The following GCNT2 variants were observed in gnomAD, a reference collection of about 807,000 sequenced individuals.
GCNT2 encodes the protein N-acetyllactosaminide beta-1,6-N-acetylglucosaminyl-transferase.
In GCNT2, 34 loss-of-function variants were observed where a neutral mutation model predicts 34.2. That is an observed-to-expected ratio of 1.00 (90% CI 0.76 to 1.32). GCNT2 has a LOEUF of 1.32. GCNT2 is among the 40% of genes most tolerant of loss of function. The probability of loss-of-function intolerance (pLI) is 0.00; values close to 1 mark genes in which losing one functional copy is unlikely to be tolerated. For missense variants in GCNT2, 584 were observed against 489.4 expected (o/e 1.19, Z -1.82); for synonymous variants, 212 against 188.0 (o/e 1.13, Z -1.04).
In GCNT2 at chr6:10,565,727, C is replaced by T. The variant is rs1457445119; in HGVS notation, c.925+35891C>T. Among the ~76,000 whole-genome samples, 5 of 152,248 alleles carry T rather than the reference C, an allele frequency of 3.3e-5. No individual in the cohort carries two copies. The East Asian group carries it at 7.7e-4, about 23-fold the overall frequency. On this transcript the variant is annotated intron_variant, in intron 3 of 4. Transcript: ENST00000495262. ...TTCTTCCTGGTAAATTCTTTTCCCC[C>T]CACACCACCGGCCAAGATAGTATCG...
intron 3 of GCNT2, among the ~76,000 whole-genome samples, chr6:10,539,753 T>A (rs1007296733): frequency 2.0e-5 from 3 of 152,184 alleles, no homozygotes; most frequent in African/African-American, 2.4e-5. Flanking sequence ...CTTCTAACAT[T>A]TGGTTTTGAA....
rs373586578 is a variant in GCNT2 at position 10,539,531 on chromosome 6, G to A, written c.925+9695G>A. Among the ~76,000 whole-genome samples the A allele has an allele frequency of 9.2e-5, 14 of 152,176 alleles. No individual in the cohort carries two copies. The East Asian group carries it at 1.7e-3, about 19-fold the overall frequency. On this transcript the variant is annotated intron_variant, in intron 3 of 4. Coordinates refer to ENST00000495262, the MANE Select transcript of GCNT2 (RefSeq NM_145649.5). ...TTGGGCAAATGCCTCATTTCACTGAGCCTGATTCTTCATCTATATCCTGGG... is the reference window on the plus strand; with the variant it reads ...TTGGGCAAATGCCTCATTTCACTGAACCTGATTCTTCATCTATATCCTGGG...
At chr6:10,545,625 G>C (rs1409515413) in intron 3 of GCNT2, among the ~76,000 whole-genome samples, 1 of 152,134 alleles carries the variant, frequency 6.6e-6, no homozygotes, top group East Asian at 1.9e-4. Context: ...TTTCATGAAG[G>C]GTAAATCAGT....
intron 3 of GCNT2, among the ~76,000 whole-genome samples, chr6:10,539,190 T>G (rs1238442790): frequency 7.8e-6 from 1 of 128,782 alleles, no homozygotes; most frequent in Admixed American, 7.7e-5. Context: ...CTTTTTTTTT[T>G]TTTTTTTTTT....
intron 4 of GCNT2, among the ~76,000 whole-genome samples, chr6:10,625,163 C>T (rs1052625411): frequency 2.0e-5 from 3 of 152,186 alleles, no homozygotes; most frequent in African/African-American, 7.2e-5. Context: ...GTGTCTTCAA[C>T]ATCCTCCCTT....
At chr6:10,526,147 T>A (rs1202633586) in intron 1 of GCNT2, among the ~76,000 whole-genome samples, 1 of 152,218 alleles carries the variant, frequency 6.6e-6, no homozygotes, top group Non-Finnish European at 1.5e-5. Context: ...CGTTCTGTAT[T>A]GAAGAAGTGA....
intron 3 of GCNT2, chr6:10,587,020 A>C: frequency 1.2e-6 from 1 of 850,284 alleles, no homozygotes; most frequent in Non-Finnish European, 1.9e-6. Context: ...TTAAATACTT[A>C]GAAAACTATT....
intron 3 of GCNT2, among the ~76,000 whole-genome samples, chr6:10,549,562 TC>T (rs56139113): frequency 5.5e-4 from 58 of 105,746 alleles, no homozygotes; most frequent in African/African-American, 2.0e-3. Context: ...AATCTCTCTC[TC>T]TTTTTTTTTT....
chr6:10,620,331 G>T (rs1223892714), intron 3 of GCNT2, among the ~76,000 whole-genome samples: 1 of 152,130 alleles, frequency 6.6e-6, no homozygotes, highest in African/African-American at 2.4e-5. Flanking sequence ...GGTGGAAAAT[G>T]CTGTAACTCT....
chr6:10,605,999 C>T (rs1051731583), intron 3 of GCNT2, among the ~76,000 whole-genome samples: 1 of 152,128 alleles, frequency 6.6e-6, no homozygotes, highest in Non-Finnish European at 1.5e-5. Flanking sequence ...AAGGAGAGGA[C>T]AAGCCCTGGT....
intron 3 of GCNT2, among the ~76,000 whole-genome samples, chr6:10,565,370 A>G (rs964272657): frequency 1.3e-5 from 2 of 152,206 alleles, no homozygotes; most frequent in Non-Finnish European, 2.9e-5. Flanking sequence ...AAAGGAGTCA[A>G]GCTGGTGGGA....
chr6:10,574,949 C>G, intron 3 of GCNT2: 1 of 720,924 alleles, frequency 1.4e-6, no homozygotes, highest in Non-Finnish European at 2.5e-6. Context: ...TTAATGTGCT[C>G]AATACACACA....
intron 3 of GCNT2, among the ~76,000 whole-genome samples, chr6:10,578,625 T>C (rs1210918900): frequency 6.6e-6 from 1 of 151,760 alleles, no homozygotes; most frequent in Non-Finnish European, 1.5e-5. Flanking sequence ...TTTTTGTATT[T>C]TTAGTAGAGA....
At chr6:10,596,528 A>AG (rs944254301) in intron 3 of GCNT2, among the ~76,000 whole-genome samples, 4 of 152,044 alleles carry the variant, frequency 2.6e-5, no homozygotes, top group Non-Finnish European at 5.9e-5. Flanking sequence ...CTCAAAAAAA[A>AG]AAAAGATTTC....
At chr6:10,574,350 T>C (rs1450840361) in intron 3 of GCNT2, among the ~76,000 whole-genome samples, 2 of 152,204 alleles carry the variant, frequency 1.3e-5, no homozygotes, top group African/African-American at 4.8e-5. Flanking sequence ...CACCGCCTTG[T>C]GAGGTAGTTT....
At chr6:10,550,250 C>T (rs931028073) in intron 3 of GCNT2, among the ~76,000 whole-genome samples, 3 of 152,064 alleles carry the variant, frequency 2.0e-5, no homozygotes, top group Admixed American at 6.6e-5. Context: ...GGTGGGGTTT[C>T]GCCATGTTAG....
At chr6:10,556,539 C>G (rs1391113106) in intron 3 of GCNT2, 1 of 1,614,038 alleles carries the variant, frequency 6.2e-7, no homozygotes, top group Non-Finnish European at 8.5e-7. Flanking sequence ...CTAAATATCT[C>G]AGACCCTTTG....
At chr6:10,592,673 A>G (rs148227347) in intron 3 of GCNT2, among the ~76,000 whole-genome samples, 31 of 152,290 alleles carry the variant, frequency 2.0e-4, no homozygotes, top group African/African-American at 7.5e-4. Flanking sequence ...TCTGTTCGCC[A>G]CCCCTAAAAA....
intron 3 of GCNT2, among the ~76,000 whole-genome samples, chr6:10,550,746 G>C (rs1762444679): frequency 2.0e-5 from 3 of 152,196 alleles, no homozygotes; most frequent in African/African-American, 7.2e-5. Flanking sequence ...CCTCCCAAAA[G>C]TGCTGGGATT....
Sources: gnomAD v4.1 joint callset for allele counts (sites outside exome capture counted in the v4.1 genomes callset) on GRCh38, gnomAD v4.1.1 for gene constraint, MANE v1.5 for transcripts, NCBI Gene and HGNC (gene_info 2026-07-23, HGNC 2026-07-21) for gene names.